Variants in UBE3D observed in about 807,000 individuals in gnomAD.
UBE3D encodes the protein E3 ubiquitin-protein ligase E3D.
UBE3D carries 48 observed loss-of-function variants against 49.6 expected under a neutral mutation model. The observed-to-expected ratio is 0.97, with a 90% confidence interval of 0.77 to 1.23. The LOEUF (loss-of-function observed/expected upper bound fraction) is 1.23, where lower values mean the gene tolerates loss of function less well. UBE3D is among the 50% of genes most tolerant of loss of function. The pLI is 0.00. For synonymous variants in UBE3D, 189 were observed against 174.2 expected (o/e 1.08, Z -0.67); for missense variants, 452 against 468.4 (o/e 0.96, Z 0.32).
downstream of UBE3D, among the ~76,000 whole-genome samples, chr6:82,887,397 T>TG (rs1562053896): frequency 1.2e-4 from 18 of 145,726 alleles, no homozygotes; most frequent in African/African-American, 4.7e-4. Context: ...CAGTTTTTTT[T>TG]TTTTTTTTTT....
At chr6:83,010,620 A>C (rs1212264773) in intron 8 of UBE3D, among the ~76,000 whole-genome samples, 1 of 152,144 alleles carries the variant, frequency 6.6e-6, no homozygotes, top group East Asian at 1.9e-4. Flanking sequence ...AGGAGTATTA[A>C]CTCACATGAT....
At chr6:82,899,545 T>C (rs1160550878) in intron 9 of UBE3D, among the ~76,000 whole-genome samples, 1 of 152,210 alleles carries the variant, frequency 6.6e-6, no homozygotes, top group Non-Finnish European at 1.5e-5. Context: ...GACATCTAGG[T>C]AAAAGGCCAG....
intron 9 of UBE3D, among the ~76,000 whole-genome samples, chr6:82,949,463 A>G (rs905809911): frequency 3.3e-5 from 5 of 152,058 alleles, no homozygotes; most frequent in Non-Finnish European, 5.9e-5. Context: ...TACAGATTCA[A>G]TGCAATCACT....
At chr6:83,040,378 ACTCTCTCTCTCT>A (rs59340440) in intron 4 of UBE3D, among the ~76,000 whole-genome samples, 13 of 146,966 alleles carry the variant, frequency 8.8e-5, no homozygotes, top group African/African-American at 3.3e-4. Flanking sequence ...AGCGAGACTG[ACTCTCTCTCTCT>A]CTCTCTCTCT....
chr6:82,912,695 GTA>G (rs958405586), intron 9 of UBE3D, among the ~76,000 whole-genome samples: 117 of 152,260 alleles, frequency 7.7e-4, no homozygotes, highest in African/African-American at 2.7e-3. Context: ...TTTGCTTTCT[GTA>G]TTTGCTATTG....
intron 8 of UBE3D, among the ~76,000 whole-genome samples, chr6:83,001,454 C>T (rs1326117599): frequency 6.6e-6 from 1 of 152,176 alleles, no homozygotes; most frequent in Non-Finnish European, 1.5e-5. Flanking sequence ...TACAATTCAG[C>T]TTCTTTTGTC....
intron 3 of UBE3D, among the ~76,000 whole-genome samples, chr6:83,045,857 C>A (rs1337460941): frequency 2.6e-5 from 4 of 152,108 alleles, no homozygotes; most frequent in African/African-American, 9.7e-5. Flanking sequence ...TAATACTTTG[C>A]ATTTAGTCAT....
intron 9 of UBE3D, among the ~76,000 whole-genome samples, chr6:82,944,414 A>G (rs574232688): frequency 2.0e-5 from 3 of 152,148 alleles, no homozygotes; most frequent in Non-Finnish European, 4.4e-5. Context: ...AAAGCCTATC[A>G]TCTGATGACT....
intron 9 of UBE3D, among the ~76,000 whole-genome samples, chr6:82,927,354 T>C (rs1324566757): frequency 6.6e-6 from 1 of 152,016 alleles, no homozygotes; most frequent in Non-Finnish European, 1.5e-5. Context: ...ATTTTGCCTC[T>C]CCATATAAAC....
In UBE3D at chr6:83,038,422, A is replaced by T. The variant is rs774613603; in HGVS notation, c.661T>A (p.Ser221Thr). ...RCKVMLGETV[S>T]SETTKFYMTE... The stretch of plus-strand genomic sequence containing the variant: ...CTTGTTATGAAATTCTTACCTGATG[A>T]CACGGTCTCTCCCAACATTACCTTG... The change falls in exon 5 of 10, where the codon TCA becomes ACA. Residue 221 changes from serine to threonine, a missense_variant. Physicochemically the swap from Ser to Thr is moderately conservative, Grantham distance 58. Transcript: ENST00000369747. 6.2e-7 allele frequency: 1 copy of T among 1,611,932 alleles called. No homozygotes were observed. The highest frequency in any genetic ancestry group is 1.1e-5 in the South Asian group (1 of 90,422).
intron 8 of UBE3D, among the ~76,000 whole-genome samples, chr6:82,984,558 T>C (rs1035894777): frequency 4.6e-5 from 7 of 152,218 alleles, no homozygotes; most frequent in African/African-American, 1.7e-4. Context: ...CAAAAAAATA[T>C]GTTGTCAAAC....
chr6:82,984,994 T>C (rs1778364675), intron 8 of UBE3D, among the ~76,000 whole-genome samples: 1 of 118,022 alleles, frequency 8.5e-6, no homozygotes, highest in African/African-American at 3.0e-5. Context: ...ATTTTTTTCT[T>C]TCTTCTTCTT....
intron 9 of UBE3D, among the ~76,000 whole-genome samples, chr6:82,919,972 T>C (rs997097925): frequency 1.3e-5 from 2 of 152,200 alleles, no homozygotes; most frequent in Non-Finnish European, 2.9e-5. Flanking sequence ...GAGAAAACTG[T>C]ACATCAAGTA....
At chr6:82,905,921 T>C (rs1391832980) in intron 9 of UBE3D, among the ~76,000 whole-genome samples, 2 of 152,196 alleles carry the variant, frequency 1.3e-5, no homozygotes, top group Non-Finnish European at 2.9e-5. Context: ...GATTATGAGC[T>C]CACGGCCATT....
At chr6:82,979,105 T>C (rs1777932825) in intron 8 of UBE3D, among the ~76,000 whole-genome samples, 1 of 152,144 alleles carries the variant, frequency 6.6e-6, no homozygotes, top group Non-Finnish European at 1.5e-5. Flanking sequence ...CAGAACAGAA[T>C]CTTATGTTCA....
chr6:82,908,581 C>T (rs189245317), intron 9 of UBE3D, among the ~76,000 whole-genome samples: 123 of 152,268 alleles, frequency 8.1e-4, no homozygotes, highest in Middle Eastern at 3.4e-3. Flanking sequence ...CAACACCTTT[C>T]CTAACTCCAA....
At chr6:83,042,383 A>G (rs1027039606) in intron 4 of UBE3D, among the ~76,000 whole-genome samples, 1 of 152,114 alleles carries the variant, frequency 6.6e-6, no homozygotes, top group Non-Finnish European at 1.5e-5. Flanking sequence ...GGAAGAAAAG[A>G]AAGTGTTGGG....
At chr6:82,960,008 T>C (rs1043693746) in intron 8 of UBE3D, among the ~76,000 whole-genome samples, 1 of 152,180 alleles carries the variant, frequency 6.6e-6, no homozygotes, top group Non-Finnish European at 1.5e-5. Flanking sequence ...CTTGGGGACA[T>C]GCACCATCAT....
At chr6:82,966,674 C>A (rs1465308457) in intron 8 of UBE3D, among the ~76,000 whole-genome samples, 1 of 139,378 alleles carries the variant, frequency 7.2e-6, no homozygotes, top group South Asian at 2.3e-4. Context: ...AAAAAAAAAA[C>A]CACTGAATTG....
Sources: allele counts gnomAD v4.1 joint callset (sites outside exome capture counted in the v4.1 genomes callset), GRCh38; gene constraint gnomAD v4.1.1; transcripts MANE v1.5; gene names NCBI Gene and HGNC (gene_info 2026-07-23, HGNC 2026-07-21).